Variants in GPR63 observed in about 807,000 individuals in gnomAD.
GPR63 encodes G protein-coupled receptor 63, also known as probable G protein-coupled receptor 63.
GPR63 carries 12 observed loss-of-function variants against 23.1 expected under a neutral mutation model. That is an observed-to-expected ratio of 0.52 (90% CI 0.33 to 0.84). The LOEUF (loss-of-function observed/expected upper bound fraction) is 0.84, where lower values mean the gene tolerates loss of function less well. GPR63 is among the 40% of genes least tolerant of loss of function. The probability of loss-of-function intolerance (pLI) is 0.02; values close to 1 mark genes in which losing one functional copy is unlikely to be tolerated. For synonymous variants in GPR63, 172 were observed against 191.1 expected, an observed-to-expected ratio of 0.90 and a Z score of 0.82; for missense variants, 472 against 515.6, an observed-to-expected ratio of 0.92 and a Z score of 0.82.
chr6:96,808,346 C>T (rs1158254596), intron 1 of GPR63, among the ~76,000 whole-genome samples: 1 of 152,078 alleles, frequency 6.6e-6, no homozygotes, highest in Admixed American at 6.6e-5. Context: ...CTTAACAGTG[C>T]TGAATTTGCT....
At chr6:96,802,690 C>T (rs1297605309) in intron 1 of GPR63, among the ~76,000 whole-genome samples, 2 of 148,454 alleles carry the variant, frequency 1.3e-5, no homozygotes, top group African/African-American at 5.0e-5. Context: ...CAAGCACCTG[C>T]CACCATGCCC....
At position 96,796,182 on chromosome 6, in the gene GPR63, A is replaced by T. The variant is rs1047099666; in HGVS notation, c.*2290T>A. 1 of 152,234 alleles carries T rather than the reference A, an allele frequency of 6.6e-6. No homozygotes were observed. Among genetic ancestry groups the T allele is most frequent in the Non-Finnish European group, 1.5e-5 (1 of 68,046 alleles). 9.4% of individuals were successfully genotyped at this position (152,234 alleles called of 1,614,324 possible). A position where few individuals can be genotyped will look rare whatever the true frequency, so the allele number is the denominator to read the frequency against. On this transcript the variant is annotated 3_prime_UTR_variant, in exon 2 of 2. Coordinates refer to ENST00000229955, the MANE Select transcript of GPR63 (RefSeq NM_030784.4). ...CTTCAGACATTTAATATTAAGAAAT[A>T]GCTAATGAAGTAAAATGTAAAGAAG...
At chr6:96,801,361 G>A (rs1015424560) in intron 1 of GPR63, among the ~76,000 whole-genome samples, 4 of 151,992 alleles carry the variant, frequency 2.6e-5, no homozygotes, top group African/African-American at 4.8e-5. Flanking sequence ...CACCAAGCCC[G>A]GCTAATTTTG....
chr6:96,812,551 C>T lies in GPR63; in HGVS notation c.-150-12670G>A, dbSNP rs1774069646. 2.0e-5 allele frequency among the ~76,000 whole-genome samples: 3 copies of T among 152,084 alleles called. No individual in the cohort carries two copies. In the South Asian group the frequency reaches 6.2e-4, roughly 32 times the overall value. On this transcript the variant is annotated intron_variant, in intron 1 of 1. Transcript: ENST00000229955. ...GAAAGGTCAGCATTTAATAGAAGTG[C>T]AAATTAATTATAATTGAAGACTTTA...
At position 96,799,114 on chromosome 6, in the gene GPR63, G is replaced by C. The variant is rs1305738150; in HGVS notation, c.618C>G (p.Ser206=). 1 of 1,614,070 alleles carries C rather than the reference G, an allele frequency of 6.2e-7. No individual in the cohort carries two copies. Among genetic ancestry groups the C allele is most frequent in the Admixed American group, 1.7e-5 (1 of 60,002 alleles). ...CGGCTAAAGGAAAAGCTACACAAAA[G>C]GAAGTTGCCCAAGAAACTGCAATCA... The part of the protein sequence containing the change: ...KVLIAVSWAT[S]FCVAFPLAVG... Residue 206 remains serine (S), a synonymous_variant, in exon 2 of 2, where the codon TCC becomes TCG. Transcript: ENST00000229955.
chr6:96,824,004 T>G (rs1265590197), intron 1 of GPR63, among the ~76,000 whole-genome samples: 1 of 151,892 alleles, frequency 6.6e-6, no homozygotes, highest in Non-Finnish European at 1.5e-5. Context: ...AGAACATTTA[T>G]GTGTACATGT....
At chr6:96,809,045 C>A (rs956197136) in intron 1 of GPR63, among the ~76,000 whole-genome samples, 1 of 150,808 alleles carries the variant, frequency 6.6e-6, no homozygotes, top group African/African-American at 2.4e-5. Context: ...TTCCTTTCTG[C>A]TCCTTTCCTT....
rs1156597996 is a variant in GPR63, at chr6:96,798,398, G to C, written c.*74C>G. 17 of 1,474,608 alleles carry C rather than the reference G, an allele frequency of 1.2e-5. No homozygotes were observed. The highest frequency in any genetic ancestry group is 1.6e-5 in the Non-Finnish European group (17 of 1,087,840). 91.3% of individuals were successfully genotyped at this position (1,474,608 alleles called of 1,614,324 possible). ...AAACCCTATAAAAAAAAATAAAGTG[G>C]AGAGGCTATGAGAAAGAGAATTCAA... On this transcript the variant is annotated 3_prime_UTR_variant, in exon 2 of 2. Transcript: ENST00000229955.
At chr6:96,806,149 T>C (rs1367574371) in intron 1 of GPR63, among the ~76,000 whole-genome samples, 1 of 152,200 alleles carries the variant, frequency 6.6e-6, no homozygotes, top group Non-Finnish European at 1.5e-5. Flanking sequence ...GTCTATTACA[T>C]GCTGACTATA....
intron 1 of GPR63, among the ~76,000 whole-genome samples, chr6:96,820,643 T>G (rs1038165227): frequency 2.0e-5 from 3 of 152,206 alleles, no homozygotes; most frequent in Non-Finnish European, 4.4e-5. Context: ...ATGCTTATTT[T>G]GTTATTTTCA....
intron 1 of GPR63, among the ~76,000 whole-genome samples, chr6:96,824,601 A>C (rs1481745764): frequency 2.0e-5 from 3 of 151,924 alleles, no homozygotes; most frequent in Non-Finnish European, 4.4e-5. Context: ...AGCAAAAAAA[A>C]AAAAAAGTCT....
chr6:96,819,947 C>T (rs79952742), intron 1 of GPR63, among the ~76,000 whole-genome samples: 4,145 of 136,076 alleles, frequency 0.03, 102 homozygotes, highest in Non-Finnish European at 0.047. Context: ...TGCACTCCAG[C>T]CTGGGCAACA....
In GPR63 at chr6:96,795,668, C is replaced by A. The variant is rs1432093144; in HGVS notation, c.*2804G>T. The A allele has an allele frequency of 6.6e-6, 1 of 152,054 alleles. No homozygotes were observed. The highest frequency in any genetic ancestry group is 1.5e-5 in the Non-Finnish European group (1 of 68,008). 9.4% of individuals were successfully genotyped at this position (152,054 alleles called of 1,614,324 possible). ...CTGCCTATTAAGCAGCATGAAAGTA[C>A]CTAAAGACTGCCCATAAAACAGGAA... is the stretch of plus-strand genomic sequence containing the variant. On this transcript the variant is annotated 3_prime_UTR_variant, in exon 2 of 2. Transcript: ENST00000229955.
rs550377989 is a variant in GPR63, at chr6:96,806,928, G to A, written c.-150-7047C>T. ...TGCAGATGGTTCTGCACAATAAATT[G>A]GTGCCACACAGGGGTGAAGAGTTGT... is the stretch of plus-strand genomic sequence containing the variant. On this transcript the variant is annotated intron_variant, in intron 1 of 1. Transcript: ENST00000229955. Among the ~76,000 whole-genome samples, 38 of 152,306 alleles carry A rather than the reference G, an allele frequency of 2.5e-4. No homozygotes were observed. In the South Asian group the frequency reaches 7.3e-3, roughly 29 times the overall value.
chr6:96,828,054 A>T (rs1774487196), intron 1 of GPR63, among the ~76,000 whole-genome samples: 2 of 152,230 alleles, frequency 1.3e-5, no homozygotes, highest in Admixed American at 1.3e-4. Flanking sequence ...CAACAATGAC[A>T]TGCAAGTTGG....
intron 1 of GPR63, among the ~76,000 whole-genome samples, chr6:96,836,114 C>T (rs1273520619): frequency 6.6e-6 from 1 of 151,948 alleles, no homozygotes; most frequent in East Asian, 1.9e-4. Context: ...GTGAATAAGG[C>T]AAACAGGAAT....
In GPR63 at chr6:96,830,667, C is replaced by T. The variant is rs985622627; in HGVS notation, c.-151+6601G>A. Reference sequence around the variant, plus strand: ...GCGTGTTTACCTTCTACATCCAGAACCAAATTCTAAAAATGAAAAATGCAA... The same window carrying T: ...GCGTGTTTACCTTCTACATCCAGAATCAAATTCTAAAAATGAAAAATGCAA... On this transcript the variant is annotated intron_variant, in intron 1 of 1. Coordinates refer to ENST00000229955, the MANE Select transcript of GPR63 (RefSeq NM_030784.4). Among the ~76,000 whole-genome samples, 19 of 152,160 alleles carry T rather than the reference C, an allele frequency of 1.2e-4. 1 individual carries two copies. The highest frequency in any genetic ancestry group is 2.9e-5 in the Non-Finnish European group (2 of 68,012).
At chr6:96,813,401 T>C (rs1027329151) in intron 1 of GPR63, among the ~76,000 whole-genome samples, 5 of 152,204 alleles carry the variant, frequency 3.3e-5, no homozygotes, top group African/African-American at 1.2e-4. Context: ...TCTTTGTTTT[T>C]AGAGAAAACT....
chr6:96,820,358 A>G (rs1189558973), intron 1 of GPR63, among the ~76,000 whole-genome samples: 2 of 152,140 alleles, frequency 1.3e-5, no homozygotes, highest in African/African-American at 4.8e-5. Context: ...TGTTACTATT[A>G]TTATGCAAGA....
Sources: allele counts gnomAD v4.1 joint callset (sites outside exome capture counted in the v4.1 genomes callset), GRCh38; gene constraint gnomAD v4.1.1; transcripts MANE v1.5; gene names NCBI Gene and HGNC (gene_info 2026-07-23, HGNC 2026-07-21).